HAUS2: variants seen among roughly 807,000 people sequenced by gnomAD.
HAUS2 encodes HAUS augmin-like complex subunit 2.
Under a neutral mutation model 21.6 loss-of-function variants are expected in HAUS2, and 20 were observed. The observed-to-expected ratio is 0.93, with a 90% CI of 0.65 to 1.35. HAUS2 has a LOEUF of 1.35. Among genes scored for constraint, HAUS2 ranks in the 40% most tolerant of loss-of-function variants. The probability of loss-of-function intolerance (pLI) is 0.00; values close to 1 mark genes in which losing one functional copy is unlikely to be tolerated. For missense variants in HAUS2, 297 were observed against 280.7 expected (o/e 1.06, Z -0.42); for synonymous variants, 113 against 95.6 (o/e 1.18, Z -1.06).
Position 42,557,208 on chromosome 15 carries a change from C to T in HAUS2, c.94-990C>T, listed in dbSNP as rs534970565. Among the ~76,000 whole-genome samples the T allele has an allele frequency of 2.3e-3, 317 of 140,328 alleles. 4 individuals are homozygous for T. The highest frequency in any genetic ancestry group is 8.0e-3 in the African/African-American group (302 of 37,860). The allele number at this position is 140,328 out of a possible 152,430, so 92.1% of individuals were successfully genotyped here. Reference sequence around the variant, plus strand: ...GTGGGCGCCTGTAGTCCCAGCTACTCGGGAGGCTGAGGCAGGAGAATGGCA... The same window carrying T: ...GTGGGCGCCTGTAGTCCCAGCTACTTGGGAGGCTGAGGCAGGAGAATGGCA... On this transcript the variant is annotated intron_variant, in intron 1 of 5. Transcript: ENST00000260372.
chr15:42,569,286 T>G lies in HAUS2; in HGVS notation c.*2470T>G, dbSNP rs1480887669. On this transcript the variant is annotated 3_prime_UTR_variant, in exon 6 of 6. Coordinates refer to ENST00000260372, the MANE Select transcript of HAUS2 (RefSeq NM_018097.3). The stretch of plus-strand genomic sequence containing the variant: ...ACATCAGTTTTGTTTTTTGTTTTGT[T>G]CTTTTCTTTCCTTTTTTTTTTTTTT... 1 of 150,636 alleles carries G rather than the reference T, an allele frequency of 6.6e-6. No individual in the cohort carries two copies. The highest frequency in any genetic ancestry group is 1.5e-5 in the Non-Finnish European group (1 of 67,952). The allele number at this position is 150,636 out of a possible 1,614,324, so 9.3% of individuals were successfully genotyped here.
rs1229475612 is a variant in HAUS2, at chr15:42,557,382, TTA to T, written c.94-809_94-808del. ...ATATATTTTATATATATTATATATT[TTA>T]TATATAATATATATTTTATATATAC... On this transcript the variant is annotated intron_variant, in intron 1 of 5. Transcript: ENST00000260372. Among the ~76,000 whole-genome samples, 2 of 51,690 alleles carry T rather than the reference TTA, an allele frequency of 3.9e-5. 1 individual carries two copies. Among genetic ancestry groups the T allele is most frequent in the African/African-American group, 1.3e-4 (2 of 14,856 alleles). The allele number at this position is 51,690 out of a possible 152,430, so 33.9% of individuals were successfully genotyped here. A position where few individuals can be genotyped will look rare whatever the true frequency, so the allele number is the denominator to read the frequency against.
chr15:42,557,907 T>G (rs1239916125), intron 1 of HAUS2, among the ~76,000 whole-genome samples: 2 of 152,166 alleles, frequency 1.3e-5, no homozygotes, highest in African/African-American at 4.8e-5. Context: ...AATCCTTTGA[T>G]AAACTATCAG....
At chr15:42,563,142 C>T (rs984442684) in intron 4 of HAUS2, among the ~76,000 whole-genome samples, 1 of 149,778 alleles carries the variant, frequency 6.7e-6, no homozygotes, top group African/African-American at 2.5e-5. Context: ...TGGGGCTGGG[C>T]AAGGTGGCTC....
At chr15:42,549,416 C>CT (rs58758699) in intron 1 of HAUS2, among the ~76,000 whole-genome samples, 1 of 150,578 alleles carries the variant, frequency 6.6e-6, no homozygotes, top group Non-Finnish European at 1.5e-5. Context: ...GCCAGAAGCT[C>CT]TTTTTTGACA....
chr15:42,560,651 C>G, intron 3 of HAUS2: 1 of 514,764 alleles, frequency 1.9e-6, no homozygotes, highest in Non-Finnish European at 3.5e-6. Flanking sequence ...GTGTGTCACT[C>G]TGTAACCCAG....
At chr15:42,550,725 G>C (rs1012792814) in intron 1 of HAUS2, among the ~76,000 whole-genome samples, 4 of 152,012 alleles carry the variant, frequency 2.6e-5, no homozygotes, top group Non-Finnish European at 5.9e-5. Flanking sequence ...CTGGAGTGCA[G>C]TGGCACAGTC....
Position 42,548,858 on chromosome 15 carries a change from A to T in HAUS2, c.-15A>T, listed in dbSNP as rs970748275. 2.6e-6 allele frequency: 4 copies of T among 1,542,396 alleles called. No individual in the cohort carries two copies. Among genetic ancestry groups the T allele is most frequent in the Non-Finnish European group, 3.5e-6 (4 of 1,141,446 alleles). On this transcript the variant is annotated 5_prime_UTR_variant, in exon 1 of 6. In the 5' UTR this introduces an upstream ATG that the reference lacks. Transcript: ENST00000260372. ...CGCTCACTCTTGGCGCCTTCGCGGA[A>T]GGTGCGTCCGAGCCATGGCCGCTGC...
intron 1 of HAUS2, among the ~76,000 whole-genome samples, chr15:42,553,414 A>G (rs2057743968): frequency 6.6e-6 from 1 of 151,978 alleles, no homozygotes; most frequent in Admixed American, 6.6e-5. Context: ...ATGTAATAGC[A>G]ATATATAGTA....
At chr15:42,551,875 C>T (rs1005657951) in intron 1 of HAUS2, among the ~76,000 whole-genome samples, 15 of 152,076 alleles carry the variant, frequency 9.9e-5, no homozygotes, top group African/African-American at 3.6e-4. Flanking sequence ...CTCCATAGCT[C>T]CTTAAGATCC....
At chr15:42,557,844 G>A (rs114541567) in intron 1 of HAUS2, among the ~76,000 whole-genome samples, 2,489 of 152,106 alleles carry the variant, frequency 0.016, 60 homozygotes, top group African/African-American at 0.056. Flanking sequence ...TGAGAGACTG[G>A]GCCTGAGTCA....
chr15:42,563,239 C>T (rs1448791213), intron 4 of HAUS2, among the ~76,000 whole-genome samples: 8 of 151,306 alleles, frequency 5.3e-5, no homozygotes, highest in Non-Finnish European at 1.2e-4. Flanking sequence ...ACATAATGAA[C>T]CCCTTCTGCT....
intron 4 of HAUS2, among the ~76,000 whole-genome samples, chr15:42,563,410 CAAAAAAAAAAAA>C (rs745358598): frequency 0.043 from 2,525 of 59,354 alleles, 47 homozygotes; most frequent in Non-Finnish European, 0.051. Context: ...GACTCCATCT[CAAAAAAAAAAAA>C]AAAAAAAGAA....
chr15:42,563,908 G>A lies in HAUS2; in HGVS notation c.498+51G>A, dbSNP rs781287261. On this transcript the variant is annotated intron_variant, in intron 5 of 5. Coordinates refer to ENST00000260372, the MANE Select transcript of HAUS2 (RefSeq NM_018097.3). ...GTTATTTTTTACTAGAAACTTAGAG[G>A]TGTGCTCTCCCAGTTTAGCTTTTTA... 3 of 843,122 alleles carry A rather than the reference G, an allele frequency of 3.6e-6. No individual in the cohort carries two copies. The African/African-American group carries it at 5.2e-5, about 15-fold the overall frequency. 52.2% of individuals were successfully genotyped at this position (843,122 alleles called of 1,614,324 possible). A position where few individuals can be genotyped will look rare whatever the true frequency, so the allele number is the denominator to read the frequency against.
chr15:42,554,000 T>C (rs1274752300), intron 1 of HAUS2, among the ~76,000 whole-genome samples: 1 of 152,220 alleles, frequency 6.6e-6, no homozygotes, highest in South Asian at 2.1e-4. Context: ...TATCTTGTGT[T>C]ATCTACTTCA....
chr15:42,559,368 A>G lies in HAUS2; in HGVS notation c.216A>G (p.Leu72=). The change falls in exon 3 of 6, where the codon CTA becomes CTG. Residue 72 remains leucine, a synonymous_variant. Coordinates refer to ENST00000260372, the MANE Select transcript of HAUS2 (RefSeq NM_018097.3). Reference sequence around the variant, plus strand: ...ACCTGGAAATTGAACTCCTGAAACTAGAAAAAGATACAGCAGATGTTGTTC... The same window carrying G: ...ACCTGGAAATTGAACTCCTGAAACTGGAAAAAGATACAGCAGATGTTGTTC... The part of the protein sequence containing the change: ...QKNLEIELLK[L]EKDTADVVHP... 6.2e-7 allele frequency: 1 copy of G among 1,606,264 alleles called. No homozygotes were observed. Among genetic ancestry groups the G allele is most frequent in the South Asian group, 1.1e-5 (1 of 90,910 alleles).
intron 3 of HAUS2, among the ~76,000 whole-genome samples, chr15:42,560,262 A>G (rs539110616): frequency 1.3e-5 from 2 of 152,264 alleles, no homozygotes; most frequent in South Asian, 4.1e-4. Flanking sequence ...TTATTTTTTG[A>G]ATTTGATAAT....
At chr15:42,551,577 A>G (rs59473838) in intron 1 of HAUS2, among the ~76,000 whole-genome samples, 1 of 151,790 alleles carries the variant, frequency 6.6e-6, no homozygotes, top group African/African-American at 2.4e-5. Flanking sequence ...GGAGGTGGAG[A>G]TTGCAGTGAG....
intron 3 of HAUS2, chr15:42,560,807 G>C (rs2057842390): frequency 1.4e-6 from 1 of 701,888 alleles, no homozygotes; most frequent in Admixed American, 2.0e-5. Flanking sequence ...ATGTTGCCCA[G>C]GCTGGTCTCG....
Sources: gnomAD v4.1 joint callset for allele counts (sites outside exome capture counted in the v4.1 genomes callset) on GRCh38, gnomAD v4.1.1 for gene constraint, MANE v1.5 for transcripts, NCBI Gene and HGNC (gene_info 2026-07-23, HGNC 2026-07-21) for gene names.